Variants in DAPK1 observed in about 807,000 individuals in gnomAD.
DAPK1 encodes death-associated protein kinase 1.
DAPK1 carries 56 observed loss-of-function variants against 144.9 expected under a neutral mutation model. The observed-to-expected ratio is 0.39, with a 90% confidence interval of 0.31 to 0.48. DAPK1 has a LOEUF of 0.48. Among genes scored for constraint, DAPK1 ranks in the 20% least tolerant of loss-of-function variants. The probability of loss-of-function intolerance (pLI) is 0.95; values close to 1 mark genes in which losing one functional copy is unlikely to be tolerated. For missense variants in DAPK1, 1,454 were observed against 1,875.4 expected (o/e 0.78, Z 4.15); for synonymous variants, 690 against 749.0 (o/e 0.92, Z 1.29).
chr9:87,576,976 G>A (rs997744774), intron 2 of DAPK1, among the ~76,000 whole-genome samples: 1 of 152,254 alleles, frequency 6.6e-6, no homozygotes, highest in Non-Finnish European at 1.5e-5. Context: ...CCAGTGCCCA[G>A]CAACCTGCAG....
intron 2 of DAPK1, among the ~76,000 whole-genome samples, chr9:87,531,602 C>G (rs138149394): frequency 9.2e-5 from 14 of 152,116 alleles, no homozygotes; most frequent in Non-Finnish European, 4.4e-5. Context: ...GAGGAGCTGT[C>G]ACTTCAGTGT....
intron 20 of DAPK1, among the ~76,000 whole-genome samples, chr9:87,681,976 G>A (rs1824645988): frequency 6.6e-6 from 1 of 152,204 alleles, no homozygotes; most frequent in African/African-American, 2.4e-5. Context: ...TGGCCTTAGA[G>A]ACAAAAAGAG....
rs181057402 is a variant in DAPK1 at position 87,536,858 on chromosome 9, A to T, written c.62+37719A>T. The stretch of plus-strand genomic sequence containing the variant: ...ATTCAAAATTCAACAATGGGGAAGA[A>T]CTTTAATTAACCTGATTATTTTATA... On this transcript the variant is annotated intron_variant, in intron 2 of 25. Transcript: ENST00000408954. 1.5e-3 allele frequency among the ~76,000 whole-genome samples: 221 copies of T among 152,350 alleles called. 1 individual carries two copies. Among genetic ancestry groups the T allele is most frequent in the Admixed American group, 6.7e-3 (102 of 15,298 alleles).
At chr9:87,592,910 C>T (rs1468609174) in intron 2 of DAPK1, among the ~76,000 whole-genome samples, 2 of 152,224 alleles carry the variant, frequency 1.3e-5, no homozygotes, top group Non-Finnish European at 2.9e-5. Flanking sequence ...ATTTTCTCCT[C>T]CCCCTAGACT....
At chr9:87,544,109 T>C (rs2118495778) in intron 2 of DAPK1, among the ~76,000 whole-genome samples, 1 of 152,340 alleles carries the variant, frequency 6.6e-6, no homozygotes, top group South Asian at 2.1e-4. Flanking sequence ...CATAATTCAT[T>C]ATCTAAATTT....
intron 2 of DAPK1, among the ~76,000 whole-genome samples, chr9:87,577,444 C>A (rs1002687268): frequency 1.3e-5 from 2 of 152,130 alleles, no homozygotes; most frequent in Admixed American, 6.5e-5. Context: ...AGGGTCCCCC[C>A]CAAGAGATAC....
chr9:87,604,153 C>T (rs1828626674), intron 2 of DAPK1, among the ~76,000 whole-genome samples: 1 of 152,054 alleles, frequency 6.6e-6, no homozygotes, highest in South Asian at 2.1e-4. Context: ...GGTCCCAAGA[C>T]AGTTGGCAGC....
chr9:87,603,458 T>G (rs1828598579), intron 2 of DAPK1, among the ~76,000 whole-genome samples: 1 of 152,204 alleles, frequency 6.6e-6, no homozygotes, highest in Non-Finnish European at 1.5e-5. Flanking sequence ...CAACCTGTCA[T>G]GCAAAAAATT....
At chr9:87,517,141 G>C (rs1189617816) in intron 2 of DAPK1, among the ~76,000 whole-genome samples, 3 of 152,116 alleles carry the variant, frequency 2.0e-5, no homozygotes, top group Non-Finnish European at 4.4e-5. Context: ...TGAAGAATGC[G>C]ATTGGGGGCA....
chr9:87,667,678 C>T (rs1831104325), intron 18 of DAPK1: 1 of 151,992 alleles, frequency 6.6e-6, no homozygotes, highest in Non-Finnish European at 1.5e-5. Flanking sequence ...TATTGATACA[C>T]ATTGATAGAT....
chr9:87,507,207 A>G (rs1824634864), intron 2 of DAPK1, among the ~76,000 whole-genome samples: 1 of 152,154 alleles, frequency 6.6e-6, no homozygotes, highest in African/African-American at 2.4e-5. Flanking sequence ...ACTTCTGAGA[A>G]GTGATCATGG....
chr9:87,615,182 C>A (rs1434587231), intron 3 of DAPK1, among the ~76,000 whole-genome samples: 2 of 152,242 alleles, frequency 1.3e-5, no homozygotes, highest in Non-Finnish European at 2.9e-5. Context: ...CAACCTCATA[C>A]TGCTTTTTCC....
chr9:87,640,744 A>G (rs1311154324), intron 8 of DAPK1, 58 bp from the exon 9 acceptor site: 4 of 1,573,764 alleles, frequency 2.5e-6, no homozygotes, highest in Non-Finnish European at 2.6e-6. Flanking sequence ...CATGAAAACA[A>G]CCTTAGTATT....
At position 87,497,988 on chromosome 9, in the gene DAPK1, G is replaced by GC. The variant is rs1186155542; in HGVS notation, c.-222dup. On this transcript the variant is annotated 5_prime_UTR_variant, in exon 1 of 26. Transcript: ENST00000408954. ...GGGCCGGCGCCTGGGAGGGATCTGC[G>GC]CCCCCCACTCACTCCCTAGCTGTGT... 1.5e-5 allele frequency: 6 copies of GC among 397,162 alleles called. No homozygotes were observed. Among genetic ancestry groups the GC allele is most frequent in the African/African-American group, 8.2e-5 (4 of 48,564 alleles). 24.6% of individuals were successfully genotyped at this position (397,162 alleles called of 1,614,324 possible). A position where few individuals can be genotyped will look rare whatever the true frequency, so the allele number is the denominator to read the frequency against.
intron 18 of DAPK1, among the ~76,000 whole-genome samples, chr9:87,659,323 C>T (rs1423822614): frequency 6.6e-6 from 1 of 152,160 alleles, no homozygotes; most frequent in Non-Finnish European, 1.5e-5. Context: ...TCACCCACCG[C>T]AAACGCACAC....
chr9:87,606,300 C>T (rs1828711478), intron 3 of DAPK1, among the ~76,000 whole-genome samples: 1 of 152,164 alleles, frequency 6.6e-6, no homozygotes, highest in Admixed American at 6.5e-5. Flanking sequence ...GATTTGGGCA[C>T]ATTTCTTTAT....
intron 2 of DAPK1, among the ~76,000 whole-genome samples, chr9:87,584,664 T>TTGTGTGTGTGTGTGTGTGTGTGTGTGTG (rs113125719): frequency 1.4e-5 from 2 of 140,506 alleles, no homozygotes; most frequent in African/African-American, 4.9e-5. Context: ...TGATAGCTCA[T>TTGTGTGTGTGTGTGTGTGTGTGTGTGTG]TGTGTGTGTG....
At chr9:87,696,943 G>T (rs1825280348) in intron 21 of DAPK1, 64 bp from the exon 22 acceptor site, 1 of 855,776 alleles carries the variant, frequency 1.2e-6, no homozygotes, top group African/African-American at 1.7e-5. Flanking sequence ...AACGCTAAGA[G>T]AATTTATGAT....
chr9:87,599,332 AAT>A (rs1477398952), intron 2 of DAPK1, among the ~76,000 whole-genome samples: 1 of 152,228 alleles, frequency 6.6e-6, no homozygotes, highest in Non-Finnish European at 1.5e-5. Flanking sequence ...TTAATAAAGA[AAT>A]ATGTGTAAAG....
Sources: gnomAD v4.1 joint callset for allele counts (sites outside exome capture counted in the v4.1 genomes callset) on GRCh38, gnomAD v4.1.1 for gene constraint, MANE v1.5 for transcripts, NCBI Gene and HGNC (gene_info 2026-07-23, HGNC 2026-07-21) for gene names.